ATG7: variants seen among roughly 807,000 people sequenced by gnomAD.
ATG7 encodes the protein autophagy related 7, also known as ubiquitin-like modifier-activating enzyme ATG7.
Under a neutral mutation model 82.4 loss-of-function variants are expected in ATG7, and 70 were observed. That is an observed-to-expected ratio of 0.85 (90% CI 0.70 to 1.04). The LOEUF (loss-of-function observed/expected upper bound fraction) is 1.04. Among genes scored for constraint, ATG7 ranks in the 50% least tolerant of loss-of-function variants. The pLI, the probability that ATG7 is intolerant of heterozygous loss-of-function variation, is 0.00. For synonymous variants in ATG7, 287 were observed against 313.0 expected (o/e 0.92, Z 0.88); for missense variants, 792 against 864.3 (o/e 0.92, Z 1.05).
At chr3:11,573,092 G>A in the ATG7 span, among the ~76,000 whole-genome samples, 3,587 of 151,776 alleles carry the variant, frequency 0.024, 129 homozygotes, top group African/African-American at 0.083. Context: ...GCTGAACCCG[G>A]GAGGCGGAGG....
At position 11,506,584 on chromosome 3, in the gene ATG7, ACC is replaced by A. The variant is rs370910174; in HGVS notation, c.2080-48225_2080-48224del. Among the ~76,000 whole-genome samples, 39 of 13,668 alleles carry A rather than the reference ACC, an allele frequency of 2.9e-3. 2 individuals carry two copies. The highest frequency in any genetic ancestry group is 4.2e-3 in the African/African-American group (17 of 4,090). The allele number at this position is 13,668 out of a possible 152,430, so 9.0% of individuals were successfully genotyped here. The stretch of plus-strand genomic sequence containing the variant: ...AAAAAAAAAAAAAAAAAAAAAAAAA[ACC>A]CAAAAATTAGCTGGGAGTGGTGGCA... On this transcript the variant is annotated intron_variant, in intron 20 of 20. Coordinates refer to ENST00000693202, the MANE Select transcript of ATG7 (RefSeq NM_001349232.2).
intron 20 of ATG7, among the ~76,000 whole-genome samples, chr3:11,540,913 G>C (rs1187814792): frequency 7.5e-6 from 1 of 133,124 alleles, no homozygotes; most frequent in East Asian, 2.2e-4. Flanking sequence ...TTTTTGGGGG[G>C]GGGAGGGGGG....
At position 11,380,729 on chromosome 3, in the gene ATG7, CCT is replaced by C. The variant is rs755226954; in HGVS notation, c.1956+678_1956+679del. Among the ~76,000 whole-genome samples the C allele has an allele frequency of 8.3e-4, 127 of 152,284 alleles. 1 individual carries two copies. The highest frequency in any genetic ancestry group is 6.7e-3 in the Admixed American group (103 of 15,300). On this transcript the variant is annotated intron_variant, in intron 19 of 20. Transcript: ENST00000693202. ...AGCCTTCTGCTGCCCAGCGACTTGA[CCT>C]GGGCTTTTAAGGCTCATGATTGCTG...
intron 10 of ATG7, among the ~76,000 whole-genome samples, chr3:11,332,094 G>A (rs1319733423): frequency 6.6e-6 from 1 of 152,086 alleles, no homozygotes; most frequent in Admixed American, 6.5e-5. Flanking sequence ...GTTTACAGAA[G>A]CATTATTCTC....
chr3:11,436,031 T>A (rs1231352787), intron 20 of ATG7, among the ~76,000 whole-genome samples: 1 of 152,116 alleles, frequency 6.6e-6, no homozygotes, highest in Non-Finnish European at 1.5e-5. Context: ...GCCCAGGAGC[T>A]GGAGACCAGC....
chr3:11,358,274 G>A (rs978111993), intron 14 of ATG7, 144 bp from the exon 15 acceptor site: 61 of 785,704 alleles, frequency 7.8e-5, no homozygotes, highest in Non-Finnish European at 1.1e-4. Context: ...GAGAGAGGGC[G>A]TGGGAAGGGT....
chr3:11,475,868 GACACACAC>G (rs3219674), intron 20 of ATG7, among the ~76,000 whole-genome samples: 25 of 111,190 alleles, frequency 2.2e-4, no homozygotes, highest in African/African-American at 4.7e-4. Flanking sequence ...CTGTCTCTGA[GACACACAC>G]ACACACACAC....
chr3:11,553,691 C>T (rs1034615002), intron 20 of ATG7, among the ~76,000 whole-genome samples: 1 of 152,168 alleles, frequency 6.6e-6, no homozygotes, highest in East Asian at 1.9e-4. Context: ...CAGTCCCCTC[C>T]CAAGAGCTCA....
chr3:11,434,905 C>T (rs2083237551), intron 20 of ATG7, among the ~76,000 whole-genome samples: 1 of 152,158 alleles, frequency 6.6e-6, no homozygotes, highest in South Asian at 2.1e-4. Context: ...CCTGGTTCCG[C>T]CAGTGTTCTC....
chr3:11,524,836 A>G (rs2092533477), intron 20 of ATG7, among the ~76,000 whole-genome samples: 1 of 152,130 alleles, frequency 6.6e-6, no homozygotes, highest in African/African-American at 2.4e-5. Context: ...TTCTGAGTCG[A>G]TAGCAGATCC....
intron 20 of ATG7, among the ~76,000 whole-genome samples, chr3:11,456,615 CCCCTAGGAAATATAAA>C (rs1375436835): frequency 3.3e-5 from 5 of 152,126 alleles, no homozygotes; most frequent in African/African-American, 1.2e-4. Context: ...CACCTTGCCT[CCCCTAGGAAATATAAA>C]CCCTTGAGAG....
At chr3:11,439,757 A>G (rs952357544) in intron 20 of ATG7, among the ~76,000 whole-genome samples, 19 of 152,200 alleles carry the variant, frequency 1.2e-4, no homozygotes, top group African/African-American at 4.6e-4. Context: ...GCAGGAGAGA[A>G]AAAGCTTTCC....
intron 19 of ATG7, among the ~76,000 whole-genome samples, chr3:11,421,337 CAAATGCTG>C (rs2081928250): frequency 6.6e-6 from 1 of 152,202 alleles, no homozygotes; most frequent in Non-Finnish European, 1.5e-5. Flanking sequence ...GTTGTCCTCT[CAAATGCTG>C]CTGCCACTTT....
chr3:11,495,538 A>G (rs938355468), intron 20 of ATG7, among the ~76,000 whole-genome samples: 2 of 152,174 alleles, frequency 1.3e-5, no homozygotes, highest in African/African-American at 4.8e-5. Flanking sequence ...GCCACTGACT[A>G]GTTGTGCTCC....
Position 11,557,547 on chromosome 3 carries a change from GC to G in ATG7, c.*2706del, listed in dbSNP as rs1452513690. On this transcript the variant is annotated 3_prime_UTR_variant, in exon 21 of 21. Coordinates refer to ENST00000693202, the MANE Select transcript of ATG7 (RefSeq NM_001349232.2). ...CATCGCGAGGGCCTGCCAGGAGCTG[GC>G]CTCCCGCACTACTTGTGAGTAAAGT... The G allele has an allele frequency of 6.6e-6, 1 of 152,522 alleles. No individual in the cohort carries two copies. Among genetic ancestry groups the G allele is most frequent in the Non-Finnish European group, 1.5e-5 (1 of 68,050 alleles). 9.4% of individuals were successfully genotyped at this position (152,522 alleles called of 1,614,324 possible). A position where few individuals can be genotyped will look rare whatever the true frequency, so the allele number is the denominator to read the frequency against.
At chr3:11,523,279 G>A (rs991860075) in intron 20 of ATG7, among the ~76,000 whole-genome samples, 1 of 152,122 alleles carries the variant, frequency 6.6e-6, no homozygotes, top group African/African-American at 2.4e-5. Context: ...CAGGGGAGGG[G>A]AAATAGGGAA....
intron 18 of ATG7, among the ~76,000 whole-genome samples, chr3:11,378,755 A>G (rs1414978834): frequency 5.3e-5 from 8 of 151,576 alleles, no homozygotes; most frequent in African/African-American, 1.9e-4. Flanking sequence ...TCCAGAGAGA[A>G]GTATGCACAA....
intron 19 of ATG7, among the ~76,000 whole-genome samples, chr3:11,389,636 T>G (rs1017827225): frequency 1.3e-5 from 2 of 152,182 alleles, no homozygotes; most frequent in African/African-American, 4.8e-5. Context: ...AGAATACACA[T>G]GAGCAAGTTT....
At chr3:11,568,922 A>G in the ATG7 span, 1 of 1,261,142 alleles carries the variant, frequency 7.9e-7, no homozygotes, top group Non-Finnish European at 1.0e-6. This position sits in a 1 kb window ranked among gnomAD's most constrained non-coding sequence, Gnocchi z 5.9. Context: ...CTAGGCGGGC[A>G]CTTCCACTGC....
Sources: gnomAD v4.1 joint callset for allele counts (sites outside exome capture counted in the v4.1 genomes callset) on GRCh38, gnomAD v4.1.1 for gene constraint, Gnocchi (gnomAD v3.1) non-coding constraint, MANE v1.5 for transcripts, NCBI Gene and HGNC (gene_info 2026-07-23, HGNC 2026-07-21) for gene names.